The following CR1 variants were observed in gnomAD, a reference collection of about 807,000 sequenced individuals.
CR1 encodes the protein complement C3b/C4b receptor 1 (Knops blood group), also known as complement receptor type 1.
CR1 carries 116 observed loss-of-function variants against 187.3 expected under a neutral mutation model. That is an observed-to-expected ratio of 0.62 (90% CI 0.53 to 0.72). The LOEUF is 0.72. Among genes scored for constraint, CR1 ranks in the 30% least tolerant of loss-of-function variants. The pLI is 0.00. For synonymous variants in CR1, 576 were observed against 747.1 expected (o/e 0.77, Z 3.73); for missense variants, 1,731 against 2,110.7 (o/e 0.82, Z 3.52).
At chr1:207,564,298 G>T in intron 23 of CR1, 64 bp downstream of exon 23, 2 of 1,593,542 alleles carry the variant, frequency 1.3e-6, no homozygotes, top group East Asian at 2.2e-5. Context: ...GTCTAAAAAG[G>T]GGAGATTTGG....
chr1:207,590,022 TG>T (rs58330630), intron 35 of CR1, among the ~76,000 whole-genome samples: 20,624 of 152,114 alleles, frequency 0.14, 4,615 homozygotes, highest in African/African-American at 0.47. Context: ...GGAACCAAGT[TG>T]GAAAACACTC....
intron 31 of CR1, among the ~76,000 whole-genome samples, chr1:207,581,376 G>GTA (rs1389399469): frequency 7.5e-6 from 1 of 132,572 alleles, no homozygotes; most frequent in African/African-American, 3.9e-5. Context: ...ATACGTATAT[G>GTA]TATACATATG....
At chr1:207,496,510 T>A in intron 1 of CR1, 122 bp downstream of exon 1, 1 of 1,023,880 alleles carries the variant, frequency 9.8e-7, no homozygotes, top group East Asian at 3.0e-5. Context: ...GGCAGCGCGA[T>A]GGGTGGGCTG....
At chr1:207,514,751 G>T (rs1362323409) in intron 4 of CR1, among the ~76,000 whole-genome samples, 1 of 151,934 alleles carries the variant, frequency 6.6e-6, no homozygotes, top group Non-Finnish European at 1.5e-5. Context: ...TTTCTTTCTT[G>T]TAATGTCCTT....
chr1:207,620,694 A>G (rs1015187703), intron 43 of CR1, among the ~76,000 whole-genome samples: 12 of 152,188 alleles, frequency 7.9e-5, no homozygotes, highest in African/African-American at 2.9e-4. Context: ...TTTACAATTA[A>G]TCCTGTAAAT....
chr1:207,501,277 G>T (rs1659259321), intron 1 of CR1, among the ~76,000 whole-genome samples: 5 of 152,218 alleles, frequency 3.3e-5, no homozygotes, highest in Non-Finnish European at 7.3e-5. Context: ...AGGGAACTCT[G>T]TGTGGGTGGG....
At chr1:207,638,247 C>T (rs566628307) in intron 46 of CR1, among the ~76,000 whole-genome samples, 1 of 152,326 alleles carries the variant, frequency 6.6e-6, no homozygotes, top group African/African-American at 2.4e-5. Flanking sequence ...GAAAGCTTTA[C>T]TACAGTATCC....
In CR1 at chr1:207,619,988, A is replaced by G. The variant is rs1662267128; in HGVS notation, c.7175A>G (p.Tyr2392Cys). 3 of 1,613,922 alleles carry G rather than the reference A, an allele frequency of 1.9e-6. No homozygotes were observed. The highest frequency in any genetic ancestry group is 2.5e-6 in the Non-Finnish European group (3 of 1,179,864). The part of the protein sequence containing the change: ...DYVTLKCEDG[Y>C]TLEGSPWSQC... ...GTGACTTTGAAGTGTGAAGATGGGT[A>G]TACTCTGGAAGGCAGTCCCTGGAGC... Residue 2392 changes from tyrosine to cysteine, a missense_variant, in exon 43 of 47, where the codon TAT becomes TGT. Coordinates refer to ENST00000367049, the MANE Select transcript of CR1 (RefSeq NM_000651.6).
intron 28 of CR1, 23 bp downstream of exon 28, chr1:207,575,703 A>G: frequency 1.2e-6 from 2 of 1,611,744 alleles, no homozygotes; most frequent in Non-Finnish European, 1.7e-6. Context: ...CTCTTTCCCC[A>G]TTCACCCCAC....
chr1:207,522,878 A>G (rs1299573074), intron 4 of CR1, among the ~76,000 whole-genome samples: 2 of 152,206 alleles, frequency 1.3e-5, no homozygotes. Context: ...ACAGTATACT[A>G]TGTACTACTG....
chr1:207,615,854 T>C (rs1285108520), intron 40 of CR1, among the ~76,000 whole-genome samples: 1 of 152,224 alleles, frequency 6.6e-6, no homozygotes, highest in East Asian at 1.9e-4. Flanking sequence ...AAGTCAATCA[T>C]TGTTTGATGT....
chr1:207,500,481 T>C (rs546561346), intron 1 of CR1, among the ~76,000 whole-genome samples: 24 of 152,152 alleles, frequency 1.6e-4, no homozygotes, highest in Non-Finnish European at 2.6e-4. Context: ...ATTGTGCATA[T>C]AGCACAGAAT....
chr1:207,588,835 C>A (rs1224295807), intron 35 of CR1, 61 bp downstream of exon 35: 7 of 1,187,538 alleles, frequency 5.9e-6, no homozygotes, highest in Non-Finnish European at 8.5e-6. Context: ...AACTTCTGAC[C>A]CAGTCTCAGA....
intron 44 of CR1, among the ~76,000 whole-genome samples, chr1:207,622,756 T>C (rs1220161014): frequency 1.3e-5 from 2 of 152,190 alleles, no homozygotes; most frequent in African/African-American, 4.8e-5. Context: ...CACTTACTTT[T>C]GGAAAAGCTG....
intron 45 of CR1, among the ~76,000 whole-genome samples, chr1:207,627,501 C>T (rs1662518581): frequency 6.6e-6 from 1 of 152,222 alleles, no homozygotes; most frequent in South Asian, 2.1e-4. Context: ...TTTAACTTGT[C>T]CTAAACTTAC....
At chr1:207,634,046 A>G (rs1257035996) in intron 46 of CR1, among the ~76,000 whole-genome samples, 1 of 152,144 alleles carries the variant, frequency 6.6e-6, no homozygotes, top group South Asian at 2.1e-4. Flanking sequence ...AGGACCGGCC[A>G]TTTACATTTC....
At chr1:207,552,896 CGA>C in intron 19 of CR1, 45 bp downstream of exon 19, 1 of 575,096 alleles carries the variant, frequency 1.7e-6, no homozygotes, top group Non-Finnish European at 3.0e-6. Context: ...TCCAGCACAG[CGA>C]TAGTACTTTC....
chr1:207,504,996 C>T (rs1659384898), intron 1 of CR1, among the ~76,000 whole-genome samples: 2 of 152,172 alleles, frequency 1.3e-5, no homozygotes, highest in South Asian at 4.1e-4. Flanking sequence ...ATCTAGGTTG[C>T]ATGCTCCCTA....
intron 37 of CR1, among the ~76,000 whole-genome samples, chr1:207,611,079 T>C (rs1661915473): frequency 6.8e-6 from 1 of 146,188 alleles, no homozygotes; most frequent in African/African-American, 2.5e-5. Flanking sequence ...CTCCCCTCCC[T>C]ACCCTCACCC....
Sources: gnomAD v4.1 joint callset for allele counts (sites outside exome capture counted in the v4.1 genomes callset) on GRCh38, gnomAD v4.1.1 for gene constraint, MANE v1.5 for transcripts, NCBI Gene and HGNC (gene_info 2026-07-23, HGNC 2026-07-21) for gene names.